The following ANKRD30B variants were observed in gnomAD, a reference collection of about 807,000 sequenced individuals.
ANKRD30B encodes the protein ankyrin repeat domain 30B.
A neutral mutation model predicts 202.2 loss-of-function variants in ANKRD30B; 144 were observed. The ratio of observed to expected loss-of-function variants is 0.71; its 90% CI spans 0.62 to 0.82. ANKRD30B has a LOEUF of 0.82. Among genes scored for constraint, ANKRD30B ranks in the 40% least tolerant of loss-of-function variants. The pLI, the probability that ANKRD30B is intolerant of heterozygous loss-of-function variation, is 0.00. For synonymous variants in ANKRD30B, 508 were observed against 561.3 expected, an observed-to-expected ratio of 0.91 and a Z score of 1.34; for missense variants, 1,487 against 1,669.1, an observed-to-expected ratio of 0.89 and a Z score of 1.90.
chr18:14,838,928 G>A (rs1971293775), intron 36 of ANKRD30B, among the ~76,000 whole-genome samples: 1 of 152,236 alleles, frequency 6.6e-6, no homozygotes, highest in Non-Finnish European at 1.5e-5. Context: ...ATATGTGAAA[G>A]CAGTATTGTT....
chr18:14,863,955 T>C, the ANKRD30B span, among the ~76,000 whole-genome samples: 2 of 151,650 alleles, frequency 1.3e-5, no homozygotes, highest in African/African-American at 4.9e-5. Context: ...ATTTAACATA[T>C]GCAAATCAAT....
chr18:14,777,500 G>C (rs1967432772), intron 9 of ANKRD30B, among the ~76,000 whole-genome samples: 1 of 151,664 alleles, frequency 6.6e-6, no homozygotes, highest in Admixed American at 6.6e-5. Context: ...GTTTCACCAA[G>C]TTGGCCAGGG....
At position 14,763,775 on chromosome 18, in the gene ANKRD30B, G is replaced by T. The variant is rs748290025; in HGVS notation, c.910G>T (p.Asp304Tyr). The T allele has an allele frequency of 6.2e-7, 1 of 1,614,034 alleles. No homozygotes were observed. The highest frequency in any genetic ancestry group is 8.5e-7 in the Non-Finnish European group (1 of 1,179,982). ...TAESLLEKTP[D>Y]EAARLVEGTS... The stretch of plus-strand genomic sequence containing the variant: ...TGAAAGCTTGCTGGAAAAAACACCT[G>T]ACGAGGCTGCACGCTTGGTGGAGGG... Residue 304 changes from aspartate to tyrosine, a missense_variant, in exon 7 of 44, where the codon GAC becomes TAC. Asp to Tyr is a radical substitution (Grantham distance 160, BLOSUM62 -3). Coordinates refer to ENST00000690538, the MANE Select transcript of ANKRD30B (RefSeq NM_001367607.2).
At chr18:14,884,775 T>A in the ANKRD30B span, among the ~76,000 whole-genome samples, 1 of 152,132 alleles carries the variant, frequency 6.6e-6, no homozygotes, top group African/African-American at 2.4e-5. Flanking sequence ...AGGACTATAT[T>A]ATTTCTTGCT....
At chr18:14,818,292 A>G (rs12954040) in intron 30 of ANKRD30B, among the ~76,000 whole-genome samples, 76,992 of 151,780 alleles carry the variant, frequency 0.51, 19,701 homozygotes, top group Non-Finnish European at 0.53. Context: ...TGAAATATGC[A>G]GGTTAATGAT....
the ANKRD30B span, among the ~76,000 whole-genome samples, chr18:14,879,913 T>C: frequency 5.9e-5 from 9 of 152,156 alleles, no homozygotes; most frequent in African/African-American, 2.2e-4. Context: ...ATCTTTGTTT[T>C]TATTGCATTT....
chr18:14,917,093 A>T, the ANKRD30B span, among the ~76,000 whole-genome samples: 1 of 152,172 alleles, frequency 6.6e-6, no homozygotes, highest in Admixed American at 6.5e-5. Flanking sequence ...CTGCCAGCTG[A>T]CACTCTGTCC....
At chr18:14,779,896 A>C (rs1049606375) in intron 10 of ANKRD30B, 64 bp from the exon 11 acceptor site, 2 of 1,125,934 alleles carry the variant, frequency 1.8e-6, no homozygotes, top group South Asian at 1.4e-5. Flanking sequence ...ATAGATTTGT[A>C]TATGTTTTTA....
At chr18:14,918,072 T>C in the ANKRD30B span, among the ~76,000 whole-genome samples, 50 of 151,952 alleles carry the variant, frequency 3.3e-4, no homozygotes, top group African/African-American at 1.1e-3. Flanking sequence ...AAGCGGGGTG[T>C]GGATGAGAAG....
At chr18:14,909,883 A>C in the ANKRD30B span, 2 of 152,084 alleles carry the variant, frequency 1.3e-5, no homozygotes, top group South Asian at 4.2e-4. Context: ...CCAGCAGGTC[A>C]AGCAGTACCT....
intron 15 of ANKRD30B, among the ~76,000 whole-genome samples, chr18:14,788,829 A>G (rs550494454): frequency 2.1e-4 from 32 of 152,128 alleles, no homozygotes; most frequent in Admixed American, 2.0e-3. Context: ...AGTCTTTGCT[A>G]TTGTGAATAG....
At chr18:14,894,626 C>T in the ANKRD30B span, among the ~76,000 whole-genome samples, 1 of 151,670 alleles carries the variant, frequency 6.6e-6, no homozygotes, top group South Asian at 2.1e-4. Flanking sequence ...TCAAGTATAC[C>T]CTCTTCGGCA....
intron 6 of ANKRD30B, 85 bp downstream of exon 6, chr18:14,760,703 C>A: frequency 1.1e-6 from 1 of 950,154 alleles, no homozygotes; most frequent in Non-Finnish European, 1.6e-6. Flanking sequence ...ATTCAAAAAG[C>A]AATGTGCAAA....
At chr18:14,817,856 C>G (rs1430147798) in intron 30 of ANKRD30B, among the ~76,000 whole-genome samples, 2 of 152,068 alleles carry the variant, frequency 1.3e-5, no homozygotes, top group Non-Finnish European at 2.9e-5. Flanking sequence ...GTGTTGAATA[C>G]AATTTTAAGC....
chr18:14,797,879 A>T, intron 20 of ANKRD30B, 25 bp downstream of exon 20: 1 of 1,522,210 alleles, frequency 6.6e-7, no homozygotes. Context: ...TTAAATTTTA[A>T]TCTGGAATTA....
At chr18:14,903,158 T>A in the ANKRD30B span, among the ~76,000 whole-genome samples, 6 of 152,192 alleles carry the variant, frequency 3.9e-5, no homozygotes, top group East Asian at 1.2e-3. Flanking sequence ...CACTGCAATC[T>A]CTGTCTCTGT....
At chr18:14,934,948 A>ACACACACACC in the ANKRD30B span, among the ~76,000 whole-genome samples, 2 of 126,416 alleles carry the variant, frequency 1.6e-5, no homozygotes, top group African/African-American at 6.8e-5. Context: ...ACACACACAC[A>ACACACACACC]CCCCATCGTG....
At chr18:14,818,517 C>A (rs1351819056) in intron 30 of ANKRD30B, among the ~76,000 whole-genome samples, 8 of 95,044 alleles carry the variant, frequency 8.4e-5, no homozygotes, top group African/African-American at 2.7e-4. Context: ...CCCCCTCCCC[C>A]CACCCTACAA....
intron 30 of ANKRD30B, chr18:14,817,162 T>C (rs1262055281): frequency 6.6e-6 from 1 of 152,232 alleles, no homozygotes; most frequent in Non-Finnish European, 1.5e-5. Flanking sequence ...AAAAGCAACA[T>C]AAATATAATT....
Sources: gnomAD v4.1 joint callset for allele counts (sites outside exome capture counted in the v4.1 genomes callset) on GRCh38, gnomAD v4.1.1 for gene constraint, MANE v1.5 for transcripts, NCBI Gene and HGNC (gene_info 2026-07-23, HGNC 2026-07-21) for gene names.